Variants in DMD observed in about 807,000 individuals in gnomAD.
The protein encoded by DMD is mutant dystrophin.
DMD carries 63 observed loss-of-function variants against 330.1 expected under a neutral mutation model. The ratio of observed to expected loss-of-function variants is 0.19; its 90% CI spans 0.16 to 0.24. DMD has a LOEUF of 0.24. Among genes scored for constraint, DMD ranks in the 10% least tolerant of loss-of-function variants. The pLI is 1.00. For synonymous variants in DMD, 1,223 were observed against 959.8 expected, an observed-to-expected ratio of 1.27 and a Z score of -5.07; for missense variants, 3,344 against 2,684.1, an observed-to-expected ratio of 1.25 and a Z score of -5.43.
intron 51 of DMD, among the ~76,000 whole-genome samples, chrX:31,769,440 T>C (rs1355704806): frequency 1.8e-5 from 2 of 112,202 alleles, no homozygotes; most frequent in Non-Finnish European, 3.8e-5. Flanking sequence ...TATTGGTATA[T>C]GAATGGTCTT....
intron 25 of DMD, among the ~76,000 whole-genome samples, chrX:32,460,611 T>C (rs1014330798): frequency 9.0e-6 from 1 of 111,077 alleles, no homozygotes; most frequent in African/African-American, 3.3e-5. Flanking sequence ...CTGGCTTCCT[T>C]TGAGCTCCTC....
At chrX:31,167,555 C>T (rs951891241) in intron 74 of DMD, among the ~76,000 whole-genome samples, 3 of 111,582 alleles carry the variant, frequency 2.7e-5, no homozygotes, top group East Asian at 5.6e-4. Context: ...TTTACAGTGT[C>T]AGTTCCAACT....
At chrX:32,144,218 C>T (rs2096767887) in intron 44 of DMD, among the ~76,000 whole-genome samples, 1 of 111,876 alleles carries the variant, frequency 8.9e-6, no homozygotes, top group South Asian at 3.7e-4. Context: ...AACTTTGAAG[C>T]TGAACTCCTC....
chrX:32,402,254 T>C (rs1371099597), intron 30 of DMD, among the ~76,000 whole-genome samples: 1 of 111,708 alleles, frequency 9.0e-6, no homozygotes, highest in Non-Finnish European at 1.9e-5. Context: ...AGTGAAAAAG[T>C]TGATGGTAAC....
At chrX:32,406,550 T>A (rs1213052932) in intron 30 of DMD, among the ~76,000 whole-genome samples, 1 of 111,091 alleles carries the variant, frequency 9.0e-6, no homozygotes, top group Non-Finnish European at 1.9e-5. Context: ...TATGCTGGAT[T>A]ACGTTTATTG....
At chrX:31,634,687 G>A (rs2079312599) in intron 54 of DMD, among the ~76,000 whole-genome samples, 1 of 111,223 alleles carries the variant, frequency 9.0e-6, no homozygotes, top group African/African-American at 3.3e-5. Context: ...TTAAAATAGA[G>A]ATTTGCGAAT....
intron 2 of DMD, among the ~76,000 whole-genome samples, chrX:32,938,449 T>C (rs2090165910): frequency 9.0e-6 from 1 of 111,355 alleles, no homozygotes; most frequent in Non-Finnish European, 1.9e-5. Flanking sequence ...ACTCTGTCCC[T>C]GATAAATGAA....
At chrX:32,477,306 A>G (rs751428553) in intron 21 of DMD, among the ~76,000 whole-genome samples, 1 of 111,075 alleles carries the variant, frequency 9.0e-6, no homozygotes, top group South Asian at 3.8e-4. Flanking sequence ...AAAGTAAAAA[A>G]AAAAATTCCA....
At chrX:31,659,761 A>G (rs1351929123) in intron 53 of DMD, among the ~76,000 whole-genome samples, 1 of 110,070 alleles carries the variant, frequency 9.1e-6, no homozygotes, top group Admixed American at 9.7e-5. Flanking sequence ...CACAGTAATC[A>G]CTGTAAAAAG....
chrX:32,704,948 G>T (rs1367384181), intron 7 of DMD, among the ~76,000 whole-genome samples: 2 of 112,174 alleles, frequency 1.8e-5, no homozygotes, highest in Non-Finnish European at 3.8e-5. Flanking sequence ...CATACGAAGA[G>T]ATTTATGTTA....
rs56794668 is a variant in DMD at position 33,026,313 on chromosome X, C to CAAAAAAAAAAAAAAAAAAAAAAAA, written c.32-6137_32-6114dup. Among the ~76,000 whole-genome samples, 19 of 32,782 alleles carry CAAAAAAAAAAAAAAAAAAAAAAAA rather than the reference C, an allele frequency of 5.8e-4. 2 individuals carry two copies. The highest frequency in any genetic ancestry group is 7.3e-4 in the African/African-American group (6 of 8,214). 28.5% of individuals were successfully genotyped at this position (32,782 alleles called of 115,157 possible). ...CTGGGGGACAGAGGAGACTCCGTCTCAAAAAAAAAAAAAAAAAAAAAAAAA... is the reference window on the plus strand; with the variant it reads ...CTGGGGGACAGAGGAGACTCCGTCTCAAAAAAAAAAAAAAAAAAAAAAAAAAAAAAAAAAAAAAAAAAAAAAAAA... On this transcript the variant is annotated intron_variant, in intron 1 of 78. Coordinates refer to ENST00000357033, the MANE Select transcript of DMD (RefSeq NM_004006.3).
At chrX:32,554,937 G>T (rs1414012559) in intron 16 of DMD, among the ~76,000 whole-genome samples, 1 of 29,399 alleles carries the variant, frequency 3.4e-5, no homozygotes, top group Non-Finnish European at 5.1e-5. Flanking sequence ...AAGAAAGAAA[G>T]AAAGAGAGAG....
At chrX:31,154,281 G>GTT (rs368158779) in intron 74 of DMD, among the ~76,000 whole-genome samples, 2,158 of 99,406 alleles carry the variant, frequency 0.022, 61 homozygotes, top group African/African-American at 0.08. Context: ...TTATTCTAAT[G>GTT]TTTTTTTTTT....
chrX:32,620,520 A>G (rs184726134), intron 11 of DMD, among the ~76,000 whole-genome samples: 12 of 112,619 alleles, frequency 1.1e-4, no homozygotes, highest in Admixed American at 2.8e-4. Context: ...AGTTATGAGA[A>G]TAAACTTTCA....
chrX:31,855,926 A>T (rs1274377621), intron 48 of DMD, among the ~76,000 whole-genome samples: 1 of 111,916 alleles, frequency 8.9e-6, no homozygotes, highest in East Asian at 2.8e-4. Context: ...CTTAGCCTTT[A>T]TACACTTATA....
chrX:31,461,951 T>C (rs1386036971), intron 59 of DMD, among the ~76,000 whole-genome samples: 1 of 111,295 alleles, frequency 9.0e-6, no homozygotes, highest in Non-Finnish European at 1.9e-5. Flanking sequence ...GTAACCCATA[T>C]CCCAGGAGTG....
chrX:32,584,424 T>G (rs183895022), intron 13 of DMD, among the ~76,000 whole-genome samples: 1 of 111,892 alleles, frequency 8.9e-6, no homozygotes, highest in Non-Finnish European at 1.9e-5. Flanking sequence ...TATTCTTAGG[T>G]AAATACCTAA....
At chrX:31,444,744 G>A (rs2065165212) in intron 59 of DMD, 117 bp from the exon 60 acceptor site, 4 of 790,797 alleles carry the variant, frequency 5.1e-6, no homozygotes, top group Admixed American at 5.1e-5. Context: ...CTATGCTACG[G>A]TTTGAATGTT....
At chrX:33,329,515 C>G (rs2148962660) in intron 1 of DMD, among the ~76,000 whole-genome samples, 1 of 111,610 alleles carries the variant, frequency 9.0e-6, no homozygotes, top group South Asian at 3.7e-4. Context: ...AAATGTTCAT[C>G]CAGAGTAGAT....
Sources: gnomAD v4.1 joint callset for allele counts (sites outside exome capture counted in the v4.1 genomes callset) on GRCh38, gnomAD v4.1.1 for gene constraint, MANE v1.5 for transcripts, NCBI Gene and HGNC (gene_info 2026-07-23, HGNC 2026-07-21) for gene names.